KANSL1: variants seen among roughly 807,000 people sequenced by gnomAD.
KANSL1 encodes MLL1/MLL complex subunit KANSL1.
A neutral mutation model predicts 103.6 loss-of-function variants in KANSL1; 22 were observed. The observed-to-expected ratio is 0.21, with a 90% CI of 0.15 to 0.30. The LOEUF (loss-of-function observed/expected upper bound fraction) is 0.30, where lower values mean the gene tolerates loss of function less well. Ranked by LOEUF, KANSL1 falls within the 10% of genes least tolerant of loss-of-function variation. The probability of loss-of-function intolerance (pLI) is 1.00; values close to 1 mark genes in which losing one functional copy is unlikely to be tolerated. For synonymous variants in KANSL1, 600 were observed against 527.6 expected (o/e 1.14, Z -1.88); for missense variants, 1,337 against 1,399.8 (o/e 0.96, Z 0.72).
intron 1 of KANSL1, among the ~76,000 whole-genome samples, chr17:46,189,193 C>T (rs2047188845): frequency 6.6e-6 from 1 of 151,984 alleles, no homozygotes; most frequent in Non-Finnish European, 1.5e-5. Flanking sequence ...TGCACGCCAA[C>T]CTGGGAATCA....
intron 4 of KANSL1, among the ~76,000 whole-genome samples, chr17:46,070,284 T>G (rs982562087): frequency 6.6e-6 from 1 of 152,170 alleles, no homozygotes; most frequent in African/African-American, 2.4e-5. Context: ...GGATATTTCT[T>G]CTCTTATGGA....
At chr17:46,162,839 T>C (rs541946079) in intron 2 of KANSL1, among the ~76,000 whole-genome samples, 104 of 152,374 alleles carry the variant, frequency 6.8e-4, no homozygotes, top group South Asian at 6.4e-3. Context: ...TCTGGTCTCA[T>C]TTCTCACTAC....
At chr17:46,066,835 C>A in intron 5 of KANSL1, 103 bp from the exon 6 acceptor site, 1 of 774,588 alleles carries the variant, frequency 1.3e-6, no homozygotes, top group South Asian at 1.9e-5. Context: ...CTAGTTCAAC[C>A]TCTATTTGCT....
chr17:46,062,134 A>AAAAAAAAAAAAAAAAAAAAAAAAAAC (rs67483415), intron 6 of KANSL1, among the ~76,000 whole-genome samples: 24 of 132,740 alleles, frequency 1.8e-4, no homozygotes, highest in South Asian at 8.7e-4. Context: ...AAAAAAAAAA[A>AAAAAAAAAAAAAAAAAAAAAAAAAAC]CATGTTACAG....
At chr17:46,186,751 C>T (rs1269509081) in intron 1 of KANSL1, among the ~76,000 whole-genome samples, 2 of 152,124 alleles carry the variant, frequency 1.3e-5, no homozygotes, top group African/African-American at 2.4e-5. Flanking sequence ...TTTTTTGAGA[C>T]GAAGTCTCTC....
intron 2 of KANSL1, among the ~76,000 whole-genome samples, chr17:46,168,016 A>C (rs1338016480): frequency 6.6e-6 from 1 of 152,196 alleles, no homozygotes; most frequent in Non-Finnish European, 1.5e-5. Context: ...CTAGCCCACC[A>C]CTCTATCTTG....
chr17:46,065,234 G>A (rs1387237662), intron 6 of KANSL1, among the ~76,000 whole-genome samples: 1 of 151,720 alleles, frequency 6.6e-6, no homozygotes, highest in South Asian at 2.1e-4. Flanking sequence ...CTCCCAAAGT[G>A]CCAGGATTAC....
At chr17:46,098,213 T>C (rs1189522475) in intron 2 of KANSL1, among the ~76,000 whole-genome samples, 1 of 150,490 alleles carries the variant, frequency 6.6e-6, no homozygotes, top group Non-Finnish European at 1.5e-5. Context: ...TCGTATTTTA[T>C]TCCCACCTTT....
chr17:46,199,065 TAGCC>T (rs2047709292), intron 1 of KANSL1, among the ~76,000 whole-genome samples: 1 of 152,166 alleles, frequency 6.6e-6, no homozygotes, highest in Non-Finnish European at 1.5e-5. Context: ...AAATATTAAA[TAGCC>T]AGAGTCAACT....
chr17:46,177,925 C>A (rs2046603744), intron 1 of KANSL1, among the ~76,000 whole-genome samples: 1 of 152,140 alleles, frequency 6.6e-6, no homozygotes, highest in Non-Finnish European at 1.5e-5. Flanking sequence ...CTACAGGCGT[C>A]CGCCACCACG....
In KANSL1 at chr17:46,172,160, G is replaced by A; in HGVS notation, c.-17C>T. 1 of 1,598,234 alleles carries A rather than the reference G, an allele frequency of 6.3e-7. No homozygotes were observed. Among genetic ancestry groups the A allele is most frequent in the Non-Finnish European group, 8.5e-7 (1 of 1,178,546 alleles). On this transcript the variant is annotated 5_prime_UTR_variant, in exon 2 of 15. Transcript: ENST00000432791. ...CGCAGCCATTCAGCACAGAGAGACAGGAAGTCCAGCCTCTCCCGATGCCGA... is the reference window on the plus strand; with the variant it reads ...CGCAGCCATTCAGCACAGAGAGACAAGAAGTCCAGCCTCTCCCGATGCCGA...
At chr17:46,068,587 TAAAC>T (rs1286518159) in intron 4 of KANSL1, among the ~76,000 whole-genome samples, 3 of 151,806 alleles carry the variant, frequency 2.0e-5, no homozygotes, top group African/African-American at 7.3e-5. Flanking sequence ...AATAAATAAA[TAAAC>T]ACACACACAC....
At chr17:46,086,207 G>T (rs2079157302) in intron 3 of KANSL1, among the ~76,000 whole-genome samples, 1 of 152,158 alleles carries the variant, frequency 6.6e-6, no homozygotes, top group African/African-American at 2.4e-5. Flanking sequence ...CCAAAGGGAA[G>T]AATTTTTCCT....
At chr17:46,168,593 C>T (rs1031688720) in intron 2 of KANSL1, among the ~76,000 whole-genome samples, 1 of 152,160 alleles carries the variant, frequency 6.6e-6, no homozygotes, top group Non-Finnish European at 1.5e-5. Flanking sequence ...GTGATCCGCC[C>T]GCCTCAGCCT....
At chr17:46,094,482 G>A (rs892953559) in intron 3 of KANSL1, 78 bp downstream of exon 3, 13 of 1,486,422 alleles carry the variant, frequency 8.7e-6, no homozygotes, top group African/African-American at 5.7e-5. Flanking sequence ...TGGGGGTTAC[G>A]AGGTGGGAGG....
chr17:46,146,399 G>A (rs1008905621), intron 2 of KANSL1, among the ~76,000 whole-genome samples: 4 of 152,126 alleles, frequency 2.6e-5, no homozygotes, highest in African/African-American at 9.7e-5. Flanking sequence ...GGCCAAGCTG[G>A]TACTCAGTCT....
At chr17:46,170,096 CGCACTACT>C (rs1389752195) in intron 2 of KANSL1, among the ~76,000 whole-genome samples, 1 of 151,746 alleles carries the variant, frequency 6.6e-6, no homozygotes, top group Non-Finnish European at 1.5e-5. Flanking sequence ...GAGCTGAGAT[CGCACTACT>C]GCACTCCTGC....
chr17:46,190,270 G>A (rs2047251125), intron 1 of KANSL1, among the ~76,000 whole-genome samples: 1 of 152,164 alleles, frequency 6.6e-6, no homozygotes, highest in South Asian at 2.1e-4. Flanking sequence ...GTGAACTAAG[G>A]CCTACTCATT....
chr17:46,158,229 C>T (rs539765319), intron 2 of KANSL1, among the ~76,000 whole-genome samples: 1 of 152,182 alleles, frequency 6.6e-6, no homozygotes, highest in Non-Finnish European at 1.5e-5. Flanking sequence ...TTTAAATCAA[C>T]TGTTTCTGGG....
Sources: gnomAD v4.1 joint callset for allele counts (sites outside exome capture counted in the v4.1 genomes callset) on GRCh38, gnomAD v4.1.1 for gene constraint, MANE v1.5 for transcripts, NCBI Gene and HGNC (gene_info 2026-07-23, HGNC 2026-07-21) for gene names.